Variants in ZBTB14 observed in about 807,000 individuals in gnomAD.
ZBTB14 encodes the protein zinc finger and BTB domain-containing protein 14.
ZBTB14 carries 8 observed loss-of-function variants against 29.5 expected under a neutral mutation model. The observed-to-expected ratio is 0.27, with a 90% CI of 0.16 to 0.49. ZBTB14 has a LOEUF of 0.49. Ranked by LOEUF, ZBTB14 falls within the 20% of genes least tolerant of loss-of-function variation. The pLI, the probability that ZBTB14 is intolerant of heterozygous loss-of-function variation, is 0.99. For synonymous variants in ZBTB14, 226 were observed against 207.2 expected, an observed-to-expected ratio of 1.09 and a Z score of -0.78; for missense variants, 333 against 563.8, an observed-to-expected ratio of 0.59 and a Z score of 4.15.
chr18:5,296,122 CG>C (rs2071957747), upstream of ZBTB14: 1 of 151,628 alleles, frequency 6.6e-6, no homozygotes, highest in Non-Finnish European at 1.5e-5. Flanking sequence ...GCACGGAACC[CG>C]ACCGGGTCTC....
At position 5,290,641 on chromosome 18, in the gene ZBTB14, C is replaced by T. The variant is rs1027928999; in HGVS notation, c.*217G>A. On this transcript the variant is annotated 3_prime_UTR_variant, in exon 4 of 4. Coordinates refer to ENST00000651870, the MANE Select transcript of ZBTB14 (RefSeq NM_001243702.2). Reference sequence around the variant, plus strand: ...AGGTGCTTACTGGGCAACATTAATACTAGACACCAGACAAGACAGTGAAAC... The same window carrying T: ...AGGTGCTTACTGGGCAACATTAATATTAGACACCAGACAAGACAGTGAAAC... The T allele has an allele frequency of 2.2e-5, 13 of 581,976 alleles. No individual in the cohort carries two copies. Among genetic ancestry groups the T allele is most frequent in the African/African-American group, 3.8e-5 (2 of 52,626 alleles). The allele number at this position is 581,976 out of a possible 1,614,324, so 36.1% of individuals were successfully genotyped here.
chr18:5,295,246 C>T (rs992587600), intron 1 of ZBTB14, among the ~76,000 whole-genome samples: 1 of 145,016 alleles, frequency 6.9e-6, no homozygotes, highest in East Asian at 2.0e-4. Flanking sequence ...GCGCACTCCC[C>T]GGCCAGCTCG....
At position 5,290,966 on chromosome 18, in the gene ZBTB14, T is replaced by G; in HGVS notation, c.1242A>C (p.Glu414Asp). The G allele has an allele frequency of 6.2e-7, 1 of 1,614,276 alleles. No homozygotes were observed. The highest frequency in any genetic ancestry group is 8.5e-7 in the Non-Finnish European group (1 of 1,180,036). Residue 414 changes from glutamate (E) to aspartate (D), a missense_variant, in exon 4 of 4, where the codon GAA becomes GAC. Glu to Asp is a conservative substitution (Grantham distance 45). Around this residue, in one of 3 missense-constraint regions of ZBTB14, gnomAD observed 140 missense variants for 274.6 expected, o/e 0.51. Transcript: ENST00000651870. ...TGGCACTGGGGGTAACCTGCTTCCT[T>G]TCACTGTGCATATTGTTCTCGTGCC... ...LKRHENNMHSERKQVTPSAIQ... is the reference protein window; with the variant it reads ...LKRHENNMHSDRKQVTPSAIQ...
chr18:5,295,240 ACTCCCCGGCCAGCTCGCGCCGGGCC>A (rs2071923762), intron 1 of ZBTB14, among the ~76,000 whole-genome samples: 1 of 142,474 alleles, frequency 7.0e-6, no homozygotes, highest in Non-Finnish European at 1.5e-5. Context: ...CGCCCCGCGC[ACTCCCCGGCCAGCTCGCGCCGGGCC>A]CTCCCCCGCC....
intron 3 of ZBTB14, among the ~76,000 whole-genome samples, chr18:5,292,775 T>C (rs1171115133): frequency 6.6e-6 from 1 of 152,218 alleles, no homozygotes; most frequent in African/African-American, 2.4e-5. Flanking sequence ...CAAATTACTA[T>C]TGCAGAACTA....
intron 2 of ZBTB14, 56 bp from the exon 3 acceptor site, chr18:5,293,383 T>G: frequency 2.2e-6 from 2 of 894,768 alleles, no homozygotes; most frequent in Non-Finnish European, 3.4e-6. Flanking sequence ...TCCCAAATCC[T>G]AAACCAAGAA....
upstream of ZBTB14, chr18:5,295,840 G>A (rs1052260249): frequency 2.0e-5 from 3 of 152,030 alleles, no homozygotes; most frequent in African/African-American, 7.2e-5. Context: ...CACAGACACT[G>A]CCGTGGGTTC....
chr18:5,290,148 C>T lies in ZBTB14; in HGVS notation c.*710G>A, dbSNP rs1456073312. On this transcript the variant is annotated 3_prime_UTR_variant, in exon 4 of 4. Coordinates refer to ENST00000651870, the MANE Select transcript of ZBTB14 (RefSeq NM_001243702.2). The stretch of plus-strand genomic sequence containing the variant: ...GCCCCAAATAAGAGGAACCTAAGAG[C>T]TTGGCTCCAAGACCCCCCACCATCC... The T allele has an allele frequency of 6.6e-6, 1 of 152,252 alleles. No individual in the cohort carries two copies. The allele number at this position is 152,252 out of a possible 1,614,324, so 9.4% of individuals were successfully genotyped here. A position where few individuals can be genotyped will look rare whatever the true frequency, so the allele number is the denominator to read the frequency against.
intron 1 of ZBTB14, among the ~76,000 whole-genome samples, chr18:5,295,422 G>T (rs1170348739): frequency 4.1e-5 from 6 of 144,874 alleles, no homozygotes; most frequent in Non-Finnish European, 7.7e-5. Flanking sequence ...GAGGGGCGGC[G>T]CCCGGCGGGC....
At chr18:5,295,839 T>G, upstream of ZBTB14, 1 of 149,792 alleles carries the variant, frequency 6.7e-6, no homozygotes, top group East Asian at 2.1e-4. Flanking sequence ...GCACAGACAC[T>G]GCCGTGGGTT....
rs2071791812 is a variant in ZBTB14, at chr18:5,290,672, G to A, written c.*186C>T. The A allele has an allele frequency of 1.2e-6, 1 of 821,672 alleles. No individual in the cohort carries two copies. The highest frequency in any genetic ancestry group is 1.9e-5 in the South Asian group (1 of 51,936). The allele number at this position is 821,672 out of a possible 1,614,324, so 50.9% of individuals were successfully genotyped here. A position where few individuals can be genotyped will look rare whatever the true frequency, so the allele number is the denominator to read the frequency against. On this transcript the variant is annotated 3_prime_UTR_variant, in exon 4 of 4. Transcript: ENST00000651870. The stretch of plus-strand genomic sequence containing the variant: ...ACCAGACAAGACAGTGAAACGGTTT[G>A]GTCAGAACTGAGGAACACCATTTCC...
At chr18:5,296,378 G>C (rs900710597), upstream of ZBTB14, among the ~76,000 whole-genome samples, 1 of 150,278 alleles carries the variant, frequency 6.7e-6, no homozygotes, top group African/African-American at 2.4e-5. Context: ...TCCCGCCCTG[G>C]TTCGTGGGCT....
chr18:5,295,373 G>C (rs1456908148), intron 1 of ZBTB14, among the ~76,000 whole-genome samples: 1 of 142,694 alleles, frequency 7.0e-6, no homozygotes. Flanking sequence ...CCCCTCCTCC[G>C]CCGGCGGCTG....
rs2071828482 is a variant in ZBTB14 at position 5,292,079 on chromosome 18, C to T, written c.129G>A (p.Glu43=). ...ATCTGTGTGCTCTGAATTTCACATC[C>T]TCAACCACAATAGCAATATCACAAA... ...GEFCDIAIVV[E]DVKFRAHRCV... is the part of the protein sequence containing the mutation. The change falls in exon 4 of 4, where the codon GAG becomes GAA. Residue 43 remains glutamate, a synonymous_variant. Coordinates refer to ENST00000651870, the MANE Select transcript of ZBTB14 (RefSeq NM_001243702.2). The T allele has an allele frequency of 2.5e-6, 4 of 1,610,592 alleles. No individual in the cohort carries two copies. Among genetic ancestry groups the T allele is most frequent in the Non-Finnish European group, 2.5e-6 (3 of 1,179,982 alleles).
Position 5,290,647 on chromosome 18 carries a change from A to C in ZBTB14, c.*211T>G, listed in dbSNP as rs1243987267. On this transcript the variant is annotated 3_prime_UTR_variant, in exon 4 of 4. Coordinates refer to ENST00000651870, the MANE Select transcript of ZBTB14 (RefSeq NM_001243702.2). Reference sequence around the variant, plus strand: ...TTACTGGGCAACATTAATACTAGACACCAGACAAGACAGTGAAACGGTTTG... The same window carrying C: ...TTACTGGGCAACATTAATACTAGACCCCAGACAAGACAGTGAAACGGTTTG... The C allele has an allele frequency of 1.9e-5, 12 of 641,366 alleles. No individual in the cohort carries two copies. The highest frequency in any genetic ancestry group is 3.0e-5 in the Non-Finnish European group (12 of 397,176). 39.7% of individuals were successfully genotyped at this position (641,366 alleles called of 1,614,324 possible). A position where few individuals can be genotyped will look rare whatever the true frequency, so the allele number is the denominator to read the frequency against.
At chr18:5,292,932 T>C (rs1173535237) in intron 3 of ZBTB14, among the ~76,000 whole-genome samples, 4 of 152,198 alleles carry the variant, frequency 2.6e-5, no homozygotes, top group Non-Finnish European at 5.9e-5. Flanking sequence ...TTGTTCTCTC[T>C]AGATGCCAAT....
chr18:5,295,431 G>GCCGCGCT (rs2071932128), intron 1 of ZBTB14, among the ~76,000 whole-genome samples: 1 of 145,296 alleles, frequency 6.9e-6, no homozygotes. Flanking sequence ...CGCCCGGCGG[G>GCCGCGCT]CCGCGCTCCG....
At position 5,291,167 on chromosome 18, in the gene ZBTB14, G is replaced by A; in HGVS notation, c.1041C>T (p.Asp347=). 3 of 1,614,242 alleles carry A rather than the reference G, an allele frequency of 1.9e-6. No individual in the cohort carries two copies. Among genetic ancestry groups the A allele is most frequent in the Non-Finnish European group, 2.5e-6 (3 of 1,180,048 alleles). ...VCGKSFIRAP[D]LKKHERVHSN... ...TGTGAACTCTCTCATGCTTCTTTAA[G>A]TCTGGGGCACGGATAAATGATTTTC... is the stretch of plus-strand genomic sequence containing the variant. Residue 347 remains aspartate, a synonymous_variant, in exon 4 of 4, where the codon GAC becomes GAT. Transcript: ENST00000651870. This position sits in a 1 kb window ranked among gnomAD's most constrained non-coding sequence, Gnocchi z 5.8.
Position 5,289,202 on chromosome 18 carries a change from C to G in ZBTB14, c.*1656G>C, listed in dbSNP as rs558840205. On this transcript the variant is annotated 3_prime_UTR_variant, in exon 4 of 4. Coordinates refer to ENST00000651870, the MANE Select transcript of ZBTB14 (RefSeq NM_001243702.2). ...CACAGTGACAGGACTACTTTTAGAA[C>G]AGAATAAACAACTTTCAAGAAAAGA... The G allele has an allele frequency of 6.6e-6, 1 of 152,096 alleles. No individual in the cohort carries two copies. Among genetic ancestry groups the G allele is most frequent in the Admixed American group, 6.5e-5 (1 of 15,276 alleles). 9.4% of individuals were successfully genotyped at this position (152,096 alleles called of 1,614,324 possible).
Sources: allele counts gnomAD v4.1 joint callset (sites outside exome capture counted in the v4.1 genomes callset), GRCh38; gene constraint gnomAD v4.1.1; regional missense constraint gnomAD v4.1.1; non-coding constraint Gnocchi (gnomAD v3.1); transcripts MANE v1.5; gene names NCBI Gene and HGNC (gene_info 2026-07-23, HGNC 2026-07-21).